CSMD1: variants seen among roughly 807,000 people sequenced by gnomAD.
The protein encoded by CSMD1 is CUB and Sushi multiple domains 1.
A neutral mutation model predicts 417.5 loss-of-function variants in CSMD1; 213 were observed. That is an observed-to-expected ratio of 0.51 (90% CI 0.46 to 0.57). The LOEUF (loss-of-function observed/expected upper bound fraction) is 0.57. Ranked by LOEUF, CSMD1 falls within the 20% of genes least tolerant of loss-of-function variation. The probability of loss-of-function intolerance (pLI) is 0.00; values close to 1 mark genes in which losing one functional copy is unlikely to be tolerated. For missense variants in CSMD1, 6,923 were observed against 4,529.7 expected, an observed-to-expected ratio of 1.53 and a Z score of -15.17; for synonymous variants, 2,862 against 1,736.8, an observed-to-expected ratio of 1.65 and a Z score of -16.11.
chr8:4,441,565 C>A (rs73660810), intron 2 of CSMD1, among the ~76,000 whole-genome samples: 1 of 152,232 alleles, frequency 6.6e-6, no homozygotes, highest in African/African-American at 2.4e-5. Flanking sequence ...GAAAGCCTAT[C>A]TCATCTATGC....
intron 3 of CSMD1, among the ~76,000 whole-genome samples, chr8:4,200,597 C>T (rs148762268): frequency 7.2e-5 from 11 of 152,274 alleles, no homozygotes; most frequent in Non-Finnish European, 1.3e-4. Context: ...AGGCTCATGC[C>T]TGAAATCCCA....
chr8:3,419,950 A>G (rs2166707), intron 12 of CSMD1, among the ~76,000 whole-genome samples: 2,856 of 152,264 alleles, frequency 0.019, 55 homozygotes, highest in East Asian at 0.096. Flanking sequence ...GTGAGTTGCT[A>G]GAAGTACCTG....
At chr8:4,336,555 G>C (rs770355641) in intron 3 of CSMD1, among the ~76,000 whole-genome samples, 1 of 152,170 alleles carries the variant, frequency 6.6e-6, no homozygotes, top group East Asian at 1.9e-4. Context: ...TTGTTTTCTA[G>C]ATGGTTTCCA....
intron 3 of CSMD1, among the ~76,000 whole-genome samples, chr8:4,116,522 TGC>T (rs1802158856): frequency 2.9e-5 from 2 of 69,586 alleles, no homozygotes; most frequent in Admixed American, 1.5e-4. Context: ...GATGTATGAG[TGC>T]AGGTACCTGG....
intron 4 of CSMD1, among the ~76,000 whole-genome samples, chr8:4,026,706 G>C (rs979878447): frequency 6.6e-6 from 1 of 152,200 alleles, no homozygotes; most frequent in Non-Finnish European, 1.5e-5. Flanking sequence ...TGCTATCTGA[G>C]AGATCAAGGG....
chr8:3,442,508 ACTT>A (rs947435004), intron 12 of CSMD1, among the ~76,000 whole-genome samples: 1 of 152,156 alleles, frequency 6.6e-6, no homozygotes, highest in Non-Finnish European at 1.5e-5. Flanking sequence ...CACAAATGTT[ACTT>A]CTTGTTACAA....
At chr8:4,896,341 G>A (rs901078708) in intron 1 of CSMD1, among the ~76,000 whole-genome samples, 2 of 151,890 alleles carry the variant, frequency 1.3e-5, no homozygotes, top group Non-Finnish European at 2.9e-5. Context: ...ACTTTAATCT[G>A]CATATTTGAG....
At chr8:4,635,388 A>C (rs947353368) in intron 2 of CSMD1, among the ~76,000 whole-genome samples, 1 of 152,130 alleles carries the variant, frequency 6.6e-6, no homozygotes, top group Non-Finnish European at 1.5e-5. Flanking sequence ...ATATTTATTA[A>C]TATAAAATGA....
At chr8:4,423,435 A>C (rs1165274160) in intron 2 of CSMD1, among the ~76,000 whole-genome samples, 18 of 152,084 alleles carry the variant, frequency 1.2e-4, no homozygotes, top group Admixed American at 1.2e-3. Context: ...TTGACATCAA[A>C]ATCTGAAATA....
intron 5 of CSMD1, among the ~76,000 whole-genome samples, chr8:3,788,161 A>G (rs1221572918): frequency 6.6e-6 from 1 of 152,228 alleles, no homozygotes; most frequent in Non-Finnish European, 1.5e-5. Flanking sequence ...CATTTGTAAA[A>G]CAAGGGATTC....
chr8:3,863,395 C>CAAA (rs35446566), intron 5 of CSMD1, among the ~76,000 whole-genome samples: 1,158 of 90,236 alleles, frequency 0.013, 15 homozygotes, highest in African/African-American at 0.033. Flanking sequence ...ATACTCTGCT[C>CAAA]AAAAAAAAAA....
chr8:3,506,926 T>A (rs527453694), intron 10 of CSMD1, among the ~76,000 whole-genome samples: 2 of 152,354 alleles, frequency 1.3e-5, no homozygotes, highest in East Asian at 3.9e-4. Flanking sequence ...CATCACTTAA[T>A]AAATGTGTTG....
At chr8:4,621,970 T>C (rs987387318) in intron 2 of CSMD1, among the ~76,000 whole-genome samples, 2 of 151,842 alleles carry the variant, frequency 1.3e-5, no homozygotes, top group African/African-American at 4.8e-5. Flanking sequence ...ATGAAAAAAT[T>C]ACATACTTAT....
At chr8:4,487,964 A>G (rs1296118035) in intron 2 of CSMD1, among the ~76,000 whole-genome samples, 1 of 152,172 alleles carries the variant, frequency 6.6e-6, no homozygotes, top group Non-Finnish European at 1.5e-5. Flanking sequence ...TCCCTCCGAA[A>G]TGTATATGTG....
chr8:4,761,737 G>A (rs1262385221), intron 1 of CSMD1, among the ~76,000 whole-genome samples: 1 of 152,076 alleles, frequency 6.6e-6, no homozygotes, highest in African/African-American at 2.4e-5. Flanking sequence ...AATTAGGGCA[G>A]AATTATATTT....
intron 2 of CSMD1, among the ~76,000 whole-genome samples, chr8:4,498,539 G>C (rs923326585): frequency 6.6e-5 from 10 of 152,084 alleles, no homozygotes; most frequent in South Asian, 2.1e-4. Flanking sequence ...GGAGGGATAG[G>C]AGAAAATGTC....
At position 4,348,648 on chromosome 8, in the gene CSMD1, G is replaced by GGA. The variant is rs750381880; in HGVS notation, c.415+71303_415+71304dup. ...GGAGGGGAGAGGGGGAGAGGGAGGG[G>GGA]GAGAGAGAGAGAGAGAGAGAGACTC... is the stretch of plus-strand genomic sequence containing the variant. On this transcript the variant is annotated intron_variant, in intron 3 of 69. Transcript: ENST00000635120. 1.6e-3 allele frequency among the ~76,000 whole-genome samples: 176 copies of GGA among 110,378 alleles called. 2 individuals are homozygous for GGA. The highest frequency in any genetic ancestry group is 4.4e-3 in the South Asian group (14 of 3,162). The allele number at this position is 110,378 out of a possible 152,430, so 72.4% of individuals were successfully genotyped here.
At chr8:4,811,424 A>G (rs533824672) in intron 1 of CSMD1, among the ~76,000 whole-genome samples, 7 of 152,164 alleles carry the variant, frequency 4.6e-5, no homozygotes, top group African/African-American at 1.7e-4. Context: ...AATCATATAA[A>G]ATTGTTGCTA....
rs549394160 is a variant in CSMD1, at chr8:4,849,232, AAAG to A, written c.85+145097_85+145099del. ...AAGCTTGTAGAATAAAGCTATAAAG[AAAG>A]AAAATATTATTGTACACCTGTGCAT... On this transcript the variant is annotated intron_variant, in intron 1 of 69. Coordinates refer to ENST00000635120, the MANE Select transcript of CSMD1 (RefSeq NM_033225.6). 7.6e-3 allele frequency among the ~76,000 whole-genome samples: 1,152 copies of A among 151,696 alleles called. 11 individuals carry two copies. The highest frequency in any genetic ancestry group is 0.026 in the African/African-American group (1,060 of 40,980).
Sources: allele counts gnomAD v4.1 joint callset (sites outside exome capture counted in the v4.1 genomes callset), GRCh38; gene constraint gnomAD v4.1.1; transcripts MANE v1.5; gene names NCBI Gene and HGNC (gene_info 2026-07-23, HGNC 2026-07-21).